Variants in RIMS2 observed in about 807,000 individuals in gnomAD.
The protein encoded by RIMS2 is regulating synaptic membrane exocytosis 2.
RIMS2 carries 59 observed loss-of-function variants against 174.4 expected under a neutral mutation model. The ratio of observed to expected loss-of-function variants is 0.34; its 90% CI spans 0.27 to 0.42. RIMS2 has a LOEUF of 0.42. RIMS2 is among the 10% of genes least tolerant of loss of function. The pLI, the probability that RIMS2 is intolerant of heterozygous loss-of-function variation, is 1.00. For missense variants in RIMS2, 1,620 were observed against 1,666.3 expected (o/e 0.97, Z 0.48); for synonymous variants, 606 against 572.5 (o/e 1.06, Z -0.84).
intron 19 of RIMS2, among the ~76,000 whole-genome samples, chr8:104,152,694 T>C (rs543637604): frequency 6.6e-6 from 1 of 152,244 alleles, no homozygotes; most frequent in African/African-American, 2.4e-5. Context: ...TTATAATAGC[T>C]TCTTTCTTCA....
chr8:103,647,702 A>T (rs886894441), intron 1 of RIMS2, among the ~76,000 whole-genome samples: 5 of 151,862 alleles, frequency 3.3e-5, no homozygotes, highest in Admixed American at 6.6e-5. Context: ...TTTCTAGTTT[A>T]TGTGCATAGA....
intron 19 of RIMS2, among the ~76,000 whole-genome samples, chr8:104,201,517 T>C (rs2099054682): frequency 1.3e-5 from 2 of 152,198 alleles, no homozygotes; most frequent in African/African-American, 2.4e-5. Context: ...TTAAATGATA[T>C]TGGATTGAGA....
intron 1 of RIMS2, among the ~76,000 whole-genome samples, chr8:103,622,385 A>T (rs1348530391): frequency 2.6e-5 from 4 of 152,188 alleles, no homozygotes; most frequent in Non-Finnish European, 4.4e-5. Flanking sequence ...TTTAATGCAT[A>T]ACATTTTAAA....
At chr8:103,537,631 T>C (rs1161117382) in intron 1 of RIMS2, among the ~76,000 whole-genome samples, 32 of 152,070 alleles carry the variant, frequency 2.1e-4, no homozygotes, top group Admixed American at 2.1e-3. Flanking sequence ...CTTCATAGGG[T>C]AGTACTTACC....
intron 19 of RIMS2, among the ~76,000 whole-genome samples, chr8:104,028,192 C>T (rs1301977775): frequency 4.6e-5 from 7 of 150,768 alleles, no homozygotes; most frequent in Admixed American, 6.6e-5. Flanking sequence ...ACTGTATGCT[C>T]TTTAAATTAT....
intron 1 of RIMS2, among the ~76,000 whole-genome samples, chr8:103,521,753 A>G (rs1831780381): frequency 6.6e-6 from 1 of 151,662 alleles, no homozygotes; most frequent in Admixed American, 6.6e-5. Context: ...AGGCAGCTGC[A>G]TTAGTAGCAT....
At chr8:103,915,537 T>G in exon 7 of RIMS2, 1 of 1,607,870 alleles carries the variant, frequency 6.2e-7, no homozygotes, top group Non-Finnish European at 8.5e-7. Flanking sequence ...GCTTTGTGCA[T>G]TTATTACTAA....
chr8:104,026,267 C>T lies in RIMS2; in HGVS notation c.3334+11652C>T, dbSNP rs2096255148. On this transcript the variant is annotated intron_variant, in intron 19 of 23. Coordinates refer to ENST00000504942, the Ensembl canonical transcript of RIMS2. ...AAATCAATATGCAAATTTTAGGATACTTTTCTCTAGGCCAGAGAACTGTTT... is the reference window on the plus strand; with the variant it reads ...AAATCAATATGCAAATTTTAGGATATTTTTCTCTAGGCCAGAGAACTGTTT... Among the ~76,000 whole-genome samples, 3 of 152,170 alleles carry T rather than the reference C, an allele frequency of 2.0e-5. No homozygotes were observed. In the South Asian group the frequency reaches 6.2e-4, roughly 31 times the overall value.
chr8:104,080,986 A>G (rs2097407153), intron 19 of RIMS2, among the ~76,000 whole-genome samples: 1 of 152,046 alleles, frequency 6.6e-6, no homozygotes, highest in African/African-American at 2.4e-5. Context: ...GCACATGGGA[A>G]TGTCCATAAT....
chr8:103,952,879 GA>G (rs1201412767), intron 14 of RIMS2, among the ~76,000 whole-genome samples: 5 of 152,068 alleles, frequency 3.3e-5, no homozygotes, highest in Admixed American at 2.0e-4. Context: ...AAGGTTAGAC[GA>G]ATTGCTAACT....
intron 3 of RIMS2, among the ~76,000 whole-genome samples, chr8:103,787,096 C>T (rs1176553516): frequency 2.0e-5 from 3 of 146,512 alleles, no homozygotes; most frequent in Non-Finnish European, 3.0e-5. Flanking sequence ...ATTGCAACCC[C>T]TGCCTTTTTT....
Position 103,633,817 on chromosome 8 carries a change from G to A in RIMS2, c.177-63269G>A, listed in dbSNP as rs146436322. On this transcript the variant is annotated intron_variant, in intron 1 of 23. Transcript: ENST00000504942. ...CTTCTGAGTTATTTTGTTTGTGTGCGTAGAGGTTTTTGTAGTAGTTTCTGA... is the reference window on the plus strand; with the variant it reads ...CTTCTGAGTTATTTTGTTTGTGTGCATAGAGGTTTTTGTAGTAGTTTCTGA... Among the ~76,000 whole-genome samples, 703 of 152,304 alleles carry A rather than the reference G, an allele frequency of 4.6e-3. 3 individuals carry two copies. Among genetic ancestry groups the A allele is most frequent in the Middle Eastern group, 0.01 (3 of 294 alleles).
intron 19 of RIMS2, among the ~76,000 whole-genome samples, chr8:104,124,890 A>G (rs1017570334): frequency 1.3e-5 from 2 of 152,172 alleles, no homozygotes; most frequent in African/African-American, 4.8e-5. Context: ...CCTATAGAGA[A>G]CAAAGAGCAC....
intron 19 of RIMS2, among the ~76,000 whole-genome samples, chr8:104,129,275 A>G (rs1428124625): frequency 2.6e-5 from 4 of 152,106 alleles, no homozygotes; most frequent in Non-Finnish European, 5.9e-5. Flanking sequence ...AGGTCTAGCT[A>G]CATAGAGGCT....
chr8:104,253,368 G>A (rs2099363363), downstream of RIMS2: 1 of 152,000 alleles, frequency 6.6e-6, no homozygotes, highest in Non-Finnish European at 1.5e-5. Flanking sequence ...CTGAAACACA[G>A]GGCTGTTTAT....
chr8:104,081,401 T>G (rs1214832684), intron 19 of RIMS2, among the ~76,000 whole-genome samples: 6 of 152,030 alleles, frequency 3.9e-5, no homozygotes, highest in Non-Finnish European at 8.8e-5. Flanking sequence ...AGTTTTACTT[T>G]GTTAAAATCC....
chr8:103,543,451 A>C (rs972724428), intron 1 of RIMS2, among the ~76,000 whole-genome samples: 4 of 152,234 alleles, frequency 2.6e-5, no homozygotes, highest in African/African-American at 9.6e-5. Flanking sequence ...CTATAGATTT[A>C]ATGCAATCCC....
intron 19 of RIMS2, among the ~76,000 whole-genome samples, chr8:104,039,043 A>G: frequency 6.6e-6 from 1 of 151,060 alleles, no homozygotes; most frequent in Non-Finnish European, 1.5e-5. Context: ...GTACTTCCTG[A>G]AAAAAAAATT....
intron 14 of RIMS2, among the ~76,000 whole-genome samples, chr8:103,950,710 G>A (rs1436519045): frequency 6.6e-6 from 1 of 152,152 alleles, no homozygotes. Context: ...TTCCTCCCAA[G>A]GTCACAAATG....
Sources: allele counts gnomAD v4.1 joint callset (sites outside exome capture counted in the v4.1 genomes callset), GRCh38; gene constraint gnomAD v4.1.1; transcripts MANE v1.5; gene names NCBI Gene and HGNC (gene_info 2026-07-23, HGNC 2026-07-21).